MYO3B: variants seen among roughly 807,000 people sequenced by gnomAD.
The protein encoded by MYO3B is myosin IIIB.
A neutral mutation model predicts 174.6 loss-of-function variants in MYO3B; 156 were observed. The observed-to-expected ratio is 0.89, with a 90% CI of 0.78 to 1.02. MYO3B has a LOEUF of 1.02. Among genes scored for constraint, MYO3B ranks in the 50% least tolerant of loss-of-function variants. The pLI, the probability that MYO3B is intolerant of heterozygous loss-of-function variation, is 0.00. For synonymous variants in MYO3B, 563 were observed against 569.1 expected (o/e 0.99, Z 0.15); for missense variants, 1,632 against 1,639.4 (o/e 1.00, Z 0.08).
intron 22 of MYO3B, among the ~76,000 whole-genome samples, chr2:170,425,265 A>G (rs934154182): frequency 6.6e-6 from 1 of 152,224 alleles, no homozygotes. Context: ...ACTGCCTTCT[A>G]ACAGTCTGGT....
intron 25 of MYO3B, among the ~76,000 whole-genome samples, chr2:170,472,264 G>GC (rs1476231891): frequency 6.6e-6 from 1 of 152,106 alleles, no homozygotes; most frequent in Non-Finnish European, 1.5e-5. Context: ...CAGTGCTCTG[G>GC]CCTGGTGTAA....
At chr2:170,287,814 A>G (rs898308937) in intron 7 of MYO3B, among the ~76,000 whole-genome samples, 7 of 151,992 alleles carry the variant, frequency 4.6e-5, no homozygotes, top group African/African-American at 1.4e-4. Flanking sequence ...AATGTCCTAG[A>G]GCAATTTTCC....
intron 7 of MYO3B, among the ~76,000 whole-genome samples, chr2:170,330,131 T>G (rs1362259602): frequency 6.6e-6 from 1 of 152,234 alleles, no homozygotes; most frequent in Non-Finnish European, 1.5e-5. Flanking sequence ...ATGTCCCATC[T>G]GTGAACAGAG....
chr2:170,507,893 C>T (rs1171908518), intron 28 of MYO3B, among the ~76,000 whole-genome samples: 2 of 152,252 alleles, frequency 1.3e-5, no homozygotes, highest in South Asian at 2.1e-4. Flanking sequence ...CTCTTTGGCA[C>T]AAACGATAGA....
At chr2:170,224,001 A>G (rs559221004) in intron 6 of MYO3B, among the ~76,000 whole-genome samples, 2 of 152,262 alleles carry the variant, frequency 1.3e-5, no homozygotes, top group South Asian at 4.1e-4. Flanking sequence ...TTACCCTGGG[A>G]CATTTCTGAC....
chr2:170,339,503 T>A (rs1043516029), intron 8 of MYO3B, among the ~76,000 whole-genome samples: 1 of 152,144 alleles, frequency 6.6e-6, no homozygotes, highest in Non-Finnish European at 1.5e-5. Context: ...TGATTATAGC[T>A]ATGTAGACAG....
At chr2:170,381,248 G>A (rs1183971414) in intron 9 of MYO3B, among the ~76,000 whole-genome samples, 1 of 152,178 alleles carries the variant, frequency 6.6e-6, no homozygotes, top group Non-Finnish European at 1.5e-5. Flanking sequence ...AACTAGGTAG[G>A]TAGGTAAGTG....
chr2:170,514,095 TCTC>T (rs1372769623), intron 28 of MYO3B, among the ~76,000 whole-genome samples: 1 of 151,822 alleles, frequency 6.6e-6, no homozygotes, highest in Non-Finnish European at 1.5e-5. Flanking sequence ...CCAGAAAAAA[TCTC>T]CTCCGTGAGG....
At chr2:170,258,577 C>T (rs933607777) in intron 7 of MYO3B, among the ~76,000 whole-genome samples, 3 of 152,006 alleles carry the variant, frequency 2.0e-5, no homozygotes, top group African/African-American at 4.8e-5. Context: ...AATGAGTCAT[C>T]TATGACAAAC....
chr2:170,599,830 A>C (rs1310577520), intron 32 of MYO3B, among the ~76,000 whole-genome samples: 5 of 152,172 alleles, frequency 3.3e-5, no homozygotes, highest in Non-Finnish European at 7.3e-5. Flanking sequence ...GCTTAGAAAA[A>C]TCTTTCCCAC....
intron 32 of MYO3B, among the ~76,000 whole-genome samples, chr2:170,598,147 A>G (rs982250954): frequency 1.3e-5 from 2 of 152,204 alleles, no homozygotes; most frequent in Admixed American, 6.5e-5. Context: ...ATATGGTTTC[A>G]CATTCAACTG....
intron 28 of MYO3B, among the ~76,000 whole-genome samples, chr2:170,507,292 A>G (rs1318472548): frequency 6.6e-6 from 1 of 152,180 alleles, no homozygotes; most frequent in Non-Finnish European, 1.5e-5. Context: ...AACACAAGAC[A>G]GGATGCCCTT....
intron 7 of MYO3B, among the ~76,000 whole-genome samples, chr2:170,296,058 C>T (rs1293924090): frequency 3.9e-5 from 6 of 152,148 alleles, no homozygotes; most frequent in Non-Finnish European, 7.4e-5. Context: ...TTGAGAGTTA[C>T]AGATGCTCTT....
At chr2:170,362,946 G>A (rs1405800701) in intron 8 of MYO3B, among the ~76,000 whole-genome samples, 2 of 152,102 alleles carry the variant, frequency 1.3e-5, no homozygotes, top group South Asian at 2.1e-4. Context: ...TTCTTCCAAG[G>A]CAGAATACTG....
chr2:170,467,815 CAA>C (rs33945733), intron 25 of MYO3B, among the ~76,000 whole-genome samples: 14 of 110,376 alleles, frequency 1.3e-4, no homozygotes, highest in Admixed American at 4.1e-4. Context: ...AAAGATAAGG[CAA>C]AAAAAAAAAA....
chr2:170,473,139 C>CTTTTTTTTTTTTT (rs66837903), intron 25 of MYO3B, among the ~76,000 whole-genome samples: 45 of 96,444 alleles, frequency 4.7e-4, no homozygotes, highest in Non-Finnish European at 6.0e-4. Context: ...TTTTTCTTTT[C>CTTTTTTTTTTTTT]TTTTTTTTTT....
intron 7 of MYO3B, among the ~76,000 whole-genome samples, chr2:170,261,559 A>G (rs1482085696): frequency 1.3e-5 from 2 of 152,178 alleles, no homozygotes; most frequent in Non-Finnish European, 2.9e-5. Flanking sequence ...GGTCATCAGT[A>G]CATGTGTGTT....
At chr2:170,632,565 TAAAAG>T (rs1435173282) in intron 32 of MYO3B, among the ~76,000 whole-genome samples, 1 of 151,808 alleles carries the variant, frequency 6.6e-6, no homozygotes, top group Non-Finnish European at 1.5e-5. Flanking sequence ...ACATCACAAT[TAAAAG>T]AACTAGAGAG....
chr2:170,448,891 C>G (rs539216132), intron 23 of MYO3B, among the ~76,000 whole-genome samples: 1 of 152,022 alleles, frequency 6.6e-6, no homozygotes, highest in African/African-American at 2.4e-5. Flanking sequence ...AATTTTAGCC[C>G]TATTATGCTT....
Sources: allele counts gnomAD v4.1 joint callset (sites outside exome capture counted in the v4.1 genomes callset), GRCh38; gene constraint gnomAD v4.1.1; transcripts MANE v1.5; gene names NCBI Gene and HGNC (gene_info 2026-07-23, HGNC 2026-07-21).